The following TAFA4 variants were observed in gnomAD, a reference collection of about 807,000 sequenced individuals.
TAFA4 encodes TAFA chemokine like family member 4, also known as chemokine-like protein TAFA-4.
TAFA4 carries 20 observed loss-of-function variants against 21.1 expected under a neutral mutation model. The ratio of observed to expected loss-of-function variants is 0.95; its 90% CI spans 0.67 to 1.38. TAFA4 has a LOEUF of 1.38. Among genes scored for constraint, TAFA4 ranks in the 40% most tolerant of loss-of-function variants. The pLI, the probability that TAFA4 is intolerant of heterozygous loss-of-function variation, is 0.00. For synonymous variants in TAFA4, 71 were observed against 67.4 expected (o/e 1.05, Z -0.26); for missense variants, 211 against 180.9 (o/e 1.17, Z -0.95).
At chr3:68,861,030 A>AC (rs113804738) in intron 3 of TAFA4, among the ~76,000 whole-genome samples, 3,097 of 110,348 alleles carry the variant, frequency 0.028, 44 homozygotes, top group Middle Eastern at 0.047. Context: ...TTAAATATGC[A>AC]CCCCCCCCCC....
At chr3:68,894,005 A>G (rs2106970116) in intron 1 of TAFA4, among the ~76,000 whole-genome samples, 1 of 152,300 alleles carries the variant, frequency 6.6e-6, no homozygotes, top group East Asian at 1.9e-4. Context: ...AAATAACACT[A>G]TCACACTAAA....
chr3:68,755,518 T>C (rs1482614762), intron 3 of TAFA4, among the ~76,000 whole-genome samples: 1 of 152,212 alleles, frequency 6.6e-6, no homozygotes, highest in Non-Finnish European at 1.5e-5. Flanking sequence ...TGCCACCCTC[T>C]AAGATGCTCC....
At chr3:68,785,796 A>T (rs1221925966) in intron 3 of TAFA4, among the ~76,000 whole-genome samples, 2 of 151,798 alleles carry the variant, frequency 1.3e-5, no homozygotes, top group African/African-American at 4.9e-5. Flanking sequence ...AGTGAGCGAG[A>T]GTGAGCGAGG....
chr3:68,792,471 C>G (rs562122103), intron 3 of TAFA4, among the ~76,000 whole-genome samples: 1 of 152,158 alleles, frequency 6.6e-6, no homozygotes, highest in East Asian at 1.9e-4. Context: ...TCCCCAGTAT[C>G]TTAGCATGCC....
At chr3:68,832,735 G>A (rs760392494) in intron 3 of TAFA4, among the ~76,000 whole-genome samples, 5 of 152,230 alleles carry the variant, frequency 3.3e-5, no homozygotes, top group Non-Finnish European at 7.3e-5. Context: ...AGGCAGTGAC[G>A]TTTAAGTCTG....
chr3:68,833,001 A>G (rs934389059), intron 3 of TAFA4, among the ~76,000 whole-genome samples: 36 of 152,246 alleles, frequency 2.4e-4, no homozygotes, highest in African/African-American at 8.4e-4. Flanking sequence ...TGGGCATGGG[A>G]CGTGCCAAGC....
intron 3 of TAFA4, among the ~76,000 whole-genome samples, chr3:68,757,806 GCAC>G (rs1702685804): frequency 4.6e-5 from 7 of 151,980 alleles, no homozygotes; most frequent in Admixed American, 4.6e-4. Context: ...ATAACTAATA[GCAC>G]CTTACAATTA....
intron 3 of TAFA4, among the ~76,000 whole-genome samples, chr3:68,857,636 T>C (rs1176820244): frequency 6.6e-6 from 1 of 152,116 alleles, no homozygotes; most frequent in Admixed American, 6.6e-5. Flanking sequence ...TAAAGTGTTA[T>C]TAATTTTCCT....
At chr3:68,818,361 C>T (rs1379296085) in intron 3 of TAFA4, among the ~76,000 whole-genome samples, 1 of 152,166 alleles carries the variant, frequency 6.6e-6, no homozygotes, top group Non-Finnish European at 1.5e-5. Context: ...TTCTCCATAT[C>T]TTCAATAAGG....
rs1301465954 is a variant in TAFA4, at chr3:68,733,034, T to C, written c.*108A>G. 6 of 1,451,476 alleles carry C rather than the reference T, an allele frequency of 4.1e-6. No homozygotes were observed. Among genetic ancestry groups the C allele is most frequent in the South Asian group, 2.4e-5 (2 of 82,450 alleles). The allele number at this position is 1,451,476 out of a possible 1,614,324, so 89.9% of individuals were successfully genotyped here. On this transcript the variant is annotated 3_prime_UTR_variant, in exon 6 of 6. Transcript: ENST00000295569. ...ACAGCTCACATATACAAATATGAAG[T>C]TGCTGAAATCCTAGACAATTTTCTG...
rs1308124626 is a variant in TAFA4 at position 68,869,941 on chromosome 3, A to G, written c.130+10789T>C. ...ATCATTCTTGTTCATAGATGACATG[A>G]CATTACATTTAGAAAAGCCTAAAGA... is the stretch of plus-strand genomic sequence containing the variant. On this transcript the variant is annotated intron_variant, in intron 3 of 5. Transcript: ENST00000295569. Among the ~76,000 whole-genome samples the G allele has an allele frequency of 9.9e-5, 15 of 152,152 alleles. 1 individual carries two copies. Among genetic ancestry groups the G allele is most frequent in the Non-Finnish European group, 1.5e-5 (1 of 68,022 alleles).
At chr3:68,905,226 G>A (rs1367737370) in intron 1 of TAFA4, among the ~76,000 whole-genome samples, 1 of 140,950 alleles carries the variant, frequency 7.1e-6, no homozygotes, top group East Asian at 2.1e-4. Flanking sequence ...TGCGATCTCG[G>A]CTCACTGCAA....
At chr3:68,742,048 T>G (rs1702366709) in intron 4 of TAFA4, among the ~76,000 whole-genome samples, 1 of 152,208 alleles carries the variant, frequency 6.6e-6, no homozygotes, top group Non-Finnish European at 1.5e-5. Flanking sequence ...GGATTTATCC[T>G]TGGGCTGCAA....
intron 3 of TAFA4, among the ~76,000 whole-genome samples, chr3:68,804,426 C>T (rs1034966623): frequency 2.0e-5 from 3 of 152,262 alleles, no homozygotes; most frequent in Non-Finnish European, 4.4e-5. Flanking sequence ...CAATGACTTT[C>T]TTCACAGAAT....
At position 68,731,895 on chromosome 3, in the gene TAFA4, TAAACAACATTA is replaced by T. The variant is rs1416900994; in HGVS notation, c.*1236_*1246del. ...ATAAAATCAAATAACTGTTAGGCTA[TAAACAACATTA>T]AAGTATTTATTTTCCCCCTATAAAT... is the stretch of plus-strand genomic sequence containing the variant. On this transcript the variant is annotated 3_prime_UTR_variant, in exon 6 of 6. Transcript: ENST00000295569. 1.3e-3 allele frequency: 38 copies of T among 29,138 alleles called. No homozygotes were observed. Among genetic ancestry groups the T allele is most frequent in the Admixed American group, 0.012 (38 of 3,216 alleles). 1.8% of individuals were successfully genotyped at this position (29,138 alleles called of 1,614,324 possible).
intron 1 of TAFA4, among the ~76,000 whole-genome samples, chr3:68,905,600 G>T (rs1005691306): frequency 5.9e-5 from 9 of 152,172 alleles, no homozygotes; most frequent in African/African-American, 2.2e-4. Context: ...GGGAGTCAGG[G>T]ATTGTCATTT....
chr3:68,764,674 T>C (rs138314168), intron 3 of TAFA4, among the ~76,000 whole-genome samples: 3 of 152,314 alleles, frequency 2.0e-5, no homozygotes, highest in African/African-American at 7.2e-5. Flanking sequence ...TGGACTGTAC[T>C]GGGCACTCCA....
At chr3:68,910,593 T>A (rs2089952352) in intron 1 of TAFA4, among the ~76,000 whole-genome samples, 1 of 152,196 alleles carries the variant, frequency 6.6e-6, no homozygotes, top group African/African-American at 2.4e-5. Context: ...CTATAGAACT[T>A]TGATAGAAGC....
At chr3:68,808,345 C>T (rs554320849) in intron 3 of TAFA4, among the ~76,000 whole-genome samples, 12 of 152,154 alleles carry the variant, frequency 7.9e-5, no homozygotes, top group Non-Finnish European at 1.3e-4. Context: ...CTCATGACCT[C>T]TCTAATCCAT....
Sources: allele counts gnomAD v4.1 joint callset (sites outside exome capture counted in the v4.1 genomes callset), GRCh38; gene constraint gnomAD v4.1.1; transcripts MANE v1.5; gene names NCBI Gene and HGNC (gene_info 2026-07-23, HGNC 2026-07-21).